ZNF221: variants seen among roughly 807,000 people sequenced by gnomAD.
ZNF221 encodes the protein zinc finger protein 221.
ZNF221 carries 10 observed loss-of-function variants against 12.6 expected under a neutral mutation model. That is an observed-to-expected ratio of 0.79 (90% CI 0.49 to 1.34). The LOEUF (loss-of-function observed/expected upper bound fraction) is 1.34, where lower values mean the gene tolerates loss of function less well. Among genes scored for constraint, ZNF221 ranks in the 40% most tolerant of loss-of-function variants. The pLI, the probability that ZNF221 is intolerant of heterozygous loss-of-function variation, is 0.00. For synonymous variants in ZNF221, 232 were observed against 244.0 expected (o/e 0.95, Z 0.46); for missense variants, 661 against 721.4 (o/e 0.92, Z 0.96).
intron 1 of ZNF221, among the ~76,000 whole-genome samples, chr19:43,956,906 G>C (rs1307369141): frequency 1.3e-5 from 2 of 152,186 alleles, no homozygotes; most frequent in African/African-American, 4.8e-5. Context: ...CCCTGAGCTA[G>C]AATAGATTCA....
chr19:43,961,207 A>C (rs1180083060), intron 1 of ZNF221, among the ~76,000 whole-genome samples: 3 of 152,190 alleles, frequency 2.0e-5, no homozygotes, highest in African/African-American at 7.2e-5. Flanking sequence ...CAGCCTCCCA[A>C]GTAGCTGGGA....
chr19:43,957,482 CT>C (rs1160037110), intron 1 of ZNF221, among the ~76,000 whole-genome samples: 1 of 152,284 alleles, frequency 6.6e-6, no homozygotes, highest in African/African-American at 2.4e-5. Context: ...CTGGAGAAAC[CT>C]TTATACCTAA....
intron 1 of ZNF221, among the ~76,000 whole-genome samples, chr19:43,961,636 G>C (rs887336462): frequency 4.6e-5 from 7 of 152,196 alleles, no homozygotes; most frequent in Non-Finnish European, 1.5e-5. Flanking sequence ...TCTTGTAACT[G>C]TTTTCCCCCA....
chr19:43,974,896 A>C, the ZNF221 span, among the ~76,000 whole-genome samples: 1 of 152,048 alleles, frequency 6.6e-6, no homozygotes, highest in South Asian at 2.1e-4. Flanking sequence ...GTGGTGGTGC[A>C]TGCCTATAAT....
the ZNF221 span, among the ~76,000 whole-genome samples, chr19:43,976,329 T>C: frequency 1.3e-5 from 2 of 151,980 alleles, no homozygotes; most frequent in African/African-American, 2.4e-5. Context: ...CTTGAGGCCA[T>C]GGGTTCGAGA....
At chr19:43,964,243 T>C (rs1974898371) in intron 2 of ZNF221, among the ~76,000 whole-genome samples, 1 of 152,206 alleles carries the variant, frequency 6.6e-6, no homozygotes, top group Non-Finnish European at 1.5e-5. Context: ...ATGCTATATA[T>C]ATTTCCTTCT....
At chr19:43,962,874 C>T in intron 2 of ZNF221, 67 bp downstream of exon 2, 1 of 1,492,450 alleles carries the variant, frequency 6.7e-7, no homozygotes, top group Admixed American at 1.8e-5. Context: ...ACATTTTTAT[C>T]TGTCTTGGGA....
chr19:43,974,949 C>A, the ZNF221 span, among the ~76,000 whole-genome samples: 2 of 151,590 alleles, frequency 1.3e-5, no homozygotes, highest in Non-Finnish European at 2.9e-5. Context: ...TTGGTTGAAC[C>A]GGAGGCAGAG....
At chr19:43,968,303 G>A (rs1975020105), downstream of ZNF221, among the ~76,000 whole-genome samples, 2 of 152,232 alleles carry the variant, frequency 1.3e-5, no homozygotes, top group South Asian at 4.1e-4. Flanking sequence ...TCAAGAGACA[G>A]GCCTTAGAAA....
At chr19:43,955,389 T>C (rs1183604274) in intron 1 of ZNF221, among the ~76,000 whole-genome samples, 1 of 152,212 alleles carries the variant, frequency 6.6e-6, no homozygotes. Flanking sequence ...TTTGCACTGC[T>C]GCACTACTCC....
At chr19:43,955,629 G>C (rs1319759411) in intron 1 of ZNF221, among the ~76,000 whole-genome samples, 4 of 152,170 alleles carry the variant, frequency 2.6e-5, no homozygotes, top group African/African-American at 9.7e-5. Context: ...CAGGCCATTT[G>C]CCACTGCCCA....
At chr19:43,980,976 G>T in the ZNF221 span, among the ~76,000 whole-genome samples, 30 of 152,244 alleles carry the variant, frequency 2.0e-4, no homozygotes, top group African/African-American at 6.5e-4. Flanking sequence ...CCTTTGGCTG[G>T]CCCTAGTTAG....
chr19:43,975,605 T>C, the ZNF221 span, among the ~76,000 whole-genome samples: 17,030 of 152,194 alleles, frequency 0.11, 1,011 homozygotes, highest in East Asian at 0.14. Context: ...ACCTAGGTGA[T>C]AGATTGATCT....
the ZNF221 span, among the ~76,000 whole-genome samples, chr19:43,974,869 C>CA: frequency 2.0e-5 from 3 of 151,850 alleles, no homozygotes; most frequent in African/African-American, 7.3e-5. Context: ...ACTAAAAATA[C>CA]AAAAAATTAG....
chr19:43,976,888 T>C, the ZNF221 span: 3 of 152,336 alleles, frequency 2.0e-5, no homozygotes, highest in Non-Finnish European at 4.4e-5. Context: ...CTGGAAATCA[T>C]AGGATAGAAA....
intron 1 of ZNF221, among the ~76,000 whole-genome samples, chr19:43,958,287 G>A (rs1015114080): frequency 2.0e-5 from 3 of 152,102 alleles, no homozygotes; most frequent in Admixed American, 6.5e-5. Flanking sequence ...GTATCCATGC[G>A]AAAGGGGCCC....
intron 1 of ZNF221, among the ~76,000 whole-genome samples, chr19:43,954,098 A>C (rs909911855): frequency 6.6e-6 from 1 of 151,802 alleles, no homozygotes; most frequent in African/African-American, 2.4e-5. Context: ...AAAAAAAAAA[A>C]AAAAAAAGGA....
downstream of ZNF221, among the ~76,000 whole-genome samples, chr19:43,972,562 G>T (rs1228022537): frequency 1.3e-5 from 2 of 151,808 alleles, no homozygotes. Context: ...AAATGATAAA[G>T]GGGATATCAC....
Position 43,967,494 on chromosome 19 carries a change from T to C in ZNF221, c.*138T>C. The C allele has an allele frequency of 1.4e-6, 1 of 704,458 alleles. No individual in the cohort carries two copies. Among genetic ancestry groups the C allele is most frequent in the Non-Finnish European group, 2.3e-6 (1 of 431,638 alleles). The allele number at this position is 704,458 out of a possible 1,614,324, so 43.6% of individuals were successfully genotyped here. On this transcript the variant is annotated 3_prime_UTR_variant, in exon 5 of 5. Transcript: ENST00000587682. The stretch of plus-strand genomic sequence containing the variant: ...ATAGATCATATCTTTTTTTTTTTTT[T>C]TTGAGACAGAGTCTCACTCTTTCAC...
Sources: allele counts gnomAD v4.1 joint callset (sites outside exome capture counted in the v4.1 genomes callset), GRCh38; gene constraint gnomAD v4.1.1; transcripts MANE v1.5; gene names NCBI Gene and HGNC (gene_info 2026-07-23, HGNC 2026-07-21).